Variants in SEZ6L observed in about 807,000 individuals in gnomAD.
SEZ6L encodes the protein seizure 6-like protein.
SEZ6L carries 37 observed loss-of-function variants against 106.2 expected under a neutral mutation model. The observed-to-expected ratio is 0.35, with a 90% CI of 0.27 to 0.46. The LOEUF (loss-of-function observed/expected upper bound fraction) is 0.46, where lower values mean the gene tolerates loss of function less well. Ranked by LOEUF, SEZ6L falls within the 20% of genes least tolerant of loss-of-function variation. The pLI, the probability that SEZ6L is intolerant of heterozygous loss-of-function variation, is 1.00. For missense variants in SEZ6L, 1,172 were observed against 1,332.8 expected (o/e 0.88, Z 1.88); for synonymous variants, 541 against 570.4 (o/e 0.95, Z 0.73).
chr22:26,261,576 T>C (rs947579412), intron 1 of SEZ6L, among the ~76,000 whole-genome samples: 1 of 152,106 alleles, frequency 6.6e-6, no homozygotes, highest in Non-Finnish European at 1.5e-5. Context: ...AAACAGAGGG[T>C]ATAGAGATGA....
chr22:26,211,098 C>A (rs150726100), intron 1 of SEZ6L, among the ~76,000 whole-genome samples: 3 of 152,312 alleles, frequency 2.0e-5, no homozygotes, highest in Admixed American at 6.5e-5. Context: ...GCTTTGGAAG[C>A]CTCAAGCCCT....
intron 11 of SEZ6L, among the ~76,000 whole-genome samples, chr22:26,348,698 G>GC (rs1569473833): frequency 1.1e-5 from 1 of 93,762 alleles, no homozygotes; most frequent in Non-Finnish European, 2.1e-5. Flanking sequence ...AAGAAAGAAA[G>GC]AAAGAAGGCA....
At chr22:26,182,911 C>T (rs538299831) in intron 1 of SEZ6L, among the ~76,000 whole-genome samples, 23 of 152,144 alleles carry the variant, frequency 1.5e-4, no homozygotes, top group Admixed American at 1.2e-3. Flanking sequence ...GCCTGTCTGC[C>T]GGGAGCCTTT....
intron 4 of SEZ6L, among the ~76,000 whole-genome samples, chr22:26,298,402 C>T (rs775070677): frequency 6.6e-6 from 1 of 152,194 alleles, no homozygotes; most frequent in Non-Finnish European, 1.5e-5. Context: ...GAAGGAGGCT[C>T]TTTCTCTGTA....
chr22:26,188,396 G>A (rs1482986336), intron 1 of SEZ6L, among the ~76,000 whole-genome samples: 1 of 152,176 alleles, frequency 6.6e-6, no homozygotes, highest in Non-Finnish European at 1.5e-5. Context: ...CCTCCAAGGG[G>A]TTCAACTGCA....
chr22:26,288,937 G>A (rs115210037), intron 1 of SEZ6L, among the ~76,000 whole-genome samples: 1 of 152,212 alleles, frequency 6.6e-6, no homozygotes, highest in Non-Finnish European at 1.5e-5. Context: ...CCCAACATCC[G>A]CCAGTGTTGG....
intron 9 of SEZ6L, among the ~76,000 whole-genome samples, chr22:26,335,325 T>G (rs935240142): frequency 6.6e-6 from 1 of 152,196 alleles, no homozygotes; most frequent in Non-Finnish European, 1.5e-5. Flanking sequence ...TGCGTTTTCA[T>G]AGGTCTTCTG....
intron 13 of SEZ6L, among the ~76,000 whole-genome samples, chr22:26,369,631 G>A (rs1053760410): frequency 2.1e-5 from 3 of 146,154 alleles, no homozygotes; most frequent in Non-Finnish European, 3.0e-5. Context: ...GAGTCACTGC[G>A]CCCGGCCGTA....
Position 26,373,498 on chromosome 22 carries a change from GA to G in SEZ6L, c.2827+27del, listed in dbSNP as rs5844691. 17,282 of 1,306,766 alleles carry G rather than the reference GA, an allele frequency of 0.013. 20 individuals carry two copies. The highest frequency in any genetic ancestry group is 0.035 in the African/African-American group (2,241 of 64,360). 80.9% of individuals were successfully genotyped at this position (1,306,766 alleles called of 1,614,324 possible). ...TGCTTTAGAAGGTGAGTTCCAGAAC[GA>G]AAAAAAAAAAAGTTCAATAAATCAA... On this transcript the variant is annotated intron_variant, in intron 14 of 16. Transcript: ENST00000248933.
At chr22:26,241,541 T>C (rs1253550889) in intron 1 of SEZ6L, 3 of 152,286 alleles carry the variant, frequency 2.0e-5, no homozygotes, top group South Asian at 2.1e-4. Context: ...TGAAAATGTA[T>C]TGTTGCTTCG....
At chr22:26,294,180 A>G in intron 2 of SEZ6L, 112 bp from the exon 3 acceptor site, 1 of 978,536 alleles carries the variant, frequency 1.0e-6, no homozygotes. Flanking sequence ...AGAAGGACAG[A>G]TGGGAACAGC....
At chr22:26,367,815 C>T (rs1352823940) in intron 13 of SEZ6L, among the ~76,000 whole-genome samples, 1 of 152,318 alleles carries the variant, frequency 6.6e-6, no homozygotes, top group Admixed American at 6.5e-5. Context: ...CCAGTTTGTG[C>T]ACACGGGGAA....
Position 26,369,507 on chromosome 22 carries a change from A to C in SEZ6L, c.2794+3941A>C, listed in dbSNP as rs1180075347. 4.0e-5 allele frequency among the ~76,000 whole-genome samples: 6 copies of C among 150,718 alleles called. No homozygotes were observed. The South Asian group carries it at 1.3e-3, about 32-fold the overall frequency. On this transcript the variant is annotated intron_variant, in intron 13 of 16. Transcript: ENST00000248933. Reference sequence around the variant, plus strand: ...AGGCGCCCGCCACCACACCCGGCTAATTTTTTGTATTTTTAGTAGAGACGG... The same window carrying C: ...AGGCGCCCGCCACCACACCCGGCTACTTTTTTGTATTTTTAGTAGAGACGG...
At chr22:26,293,754 G>T (rs980495629) in intron 2 of SEZ6L, among the ~76,000 whole-genome samples, 2 of 152,168 alleles carry the variant, frequency 1.3e-5, no homozygotes, top group African/African-American at 4.8e-5. Flanking sequence ...CATTTAACCT[G>T]CTTCAAAGCC....
intron 9 of SEZ6L, among the ~76,000 whole-genome samples, chr22:26,340,123 C>G (rs1396294463): frequency 6.6e-6 from 1 of 152,076 alleles, no homozygotes; most frequent in Non-Finnish European, 1.5e-5. Context: ...GTAGTCCCAG[C>G]TACTCGGGAG....
chr22:26,174,766 T>C (rs1183808418), intron 1 of SEZ6L, among the ~76,000 whole-genome samples: 1 of 151,884 alleles, frequency 6.6e-6, no homozygotes, highest in South Asian at 2.1e-4. Context: ...GTATGGTGAG[T>C]TGGGAGGAGG....
At chr22:26,221,640 T>C (rs2078471971) in intron 1 of SEZ6L, among the ~76,000 whole-genome samples, 1 of 152,198 alleles carries the variant, frequency 6.6e-6, no homozygotes, top group Admixed American at 6.5e-5. Context: ...TAACCTGTGA[T>C]TGTCTCATCT....
chr22:26,294,205 C>T, intron 2 of SEZ6L, 87 bp from the exon 3 acceptor site: 1 of 1,377,178 alleles, frequency 7.3e-7, no homozygotes, highest in South Asian at 1.3e-5. Context: ...TGCAGGTTCC[C>T]CTAAAGCCCC....
chr22:26,364,429 A>T, intron 12 of SEZ6L, among the ~76,000 whole-genome samples: 1 of 17,886 alleles, frequency 5.6e-5, no homozygotes, highest in African/African-American at 2.2e-4. Flanking sequence ...CTACTTTAAA[A>T]AAAAAAAAAA....
Sources: allele counts gnomAD v4.1 joint callset (sites outside exome capture counted in the v4.1 genomes callset), GRCh38; gene constraint gnomAD v4.1.1; transcripts MANE v1.5; gene names NCBI Gene and HGNC (gene_info 2026-07-23, HGNC 2026-07-21).